The following CLEC4D variants were observed in gnomAD, a reference collection of about 807,000 sequenced individuals.
CLEC4D encodes C-type lectin domain family 4 member D, also known as C-type (calcium dependent, carbohydrate-recognition domain) lectin, superfamily member 8.
In CLEC4D, 21 loss-of-function variants were observed where a neutral mutation model predicts 21.1. The ratio of observed to expected loss-of-function variants is 1.00; its 90% CI spans 0.71 to 1.43. The LOEUF (loss-of-function observed/expected upper bound fraction) is 1.43. CLEC4D is among the 40% of genes most tolerant of loss of function. The pLI, the probability that CLEC4D is intolerant of heterozygous loss-of-function variation, is 0.00. For synonymous variants in CLEC4D, 85 were observed against 83.1 expected (o/e 1.02, Z -0.12); for missense variants, 289 against 260.7 (o/e 1.11, Z -0.75).
the CLEC4D span, among the ~76,000 whole-genome samples, chr12:8,527,472 C>T: frequency 6.6e-6 from 1 of 152,052 alleles, no homozygotes; most frequent in Non-Finnish European, 1.5e-5. Context: ...GGCACTCTGG[C>T]CGCAGACTGC....
chr12:8,523,266 G>GA (rs1482855294), downstream of CLEC4D, among the ~76,000 whole-genome samples: 2 of 152,120 alleles, frequency 1.3e-5, no homozygotes, highest in Non-Finnish European at 2.9e-5. Context: ...GAATAGCATT[G>GA]AATCTATAAA....
intron 5 of CLEC4D, among the ~76,000 whole-genome samples, chr12:8,520,904 A>G (rs767782005): frequency 3.9e-5 from 6 of 152,328 alleles, no homozygotes; most frequent in African/African-American, 1.4e-4. Context: ...TTCAAAATAC[A>G]GCACTTAAGA....
At position 8,513,716 on chromosome 12, in the gene CLEC4D, A is replaced by G. The variant is rs763052461; in HGVS notation, c.-17A>G. ...ATTCTTGCCGTCCTGACCATTGAAC[A>G]AGAGACTAATTAGACAATGGGGCTA... On this transcript the variant is annotated 5_prime_UTR_variant, in exon 1 of 6. Transcript: ENST00000299665. 1.7e-4 allele frequency: 178 copies of G among 1,069,650 alleles called. 3 individuals are homozygous for G. In the South Asian group the frequency reaches 2.1e-3, roughly 13 times the overall value. 66.3% of individuals were successfully genotyped at this position (1,069,650 alleles called of 1,614,324 possible). A position where few individuals can be genotyped will look rare whatever the true frequency, so the allele number is the denominator to read the frequency against.
At position 8,518,233 on chromosome 12, in the gene CLEC4D, T is replaced by C; in HGVS notation, c.191T>C (p.Leu64Pro). The C allele has an allele frequency of 7.2e-7, 1 of 1,386,768 alleles. No homozygotes were observed. Among genetic ancestry groups the C allele is most frequent in the Non-Finnish European group, 1.0e-6 (1 of 973,302 alleles). 85.9% of individuals were successfully genotyped at this position (1,386,768 alleles called of 1,614,324 possible). A position where few individuals can be genotyped will look rare whatever the true frequency, so the allele number is the denominator to read the frequency against. The change falls in exon 3 of 6, where the codon CTC becomes CCC. Residue 64 changes from leucine (L) to proline (P), a missense_variant. Transcript: ENST00000299665. ...CACAAGTTAGAGCACCATGCAAAGC[T>C]CAAATGCATCAAAGAGAAATCAGAA... The part of the protein sequence containing the change: ...GVHKLEHHAK[L>P]KCIKEKSELK...
intron 4 of CLEC4D, among the ~76,000 whole-genome samples, 163 bp from the exon 5 acceptor site, chr12:8,520,063 T>G (rs1341453772): frequency 6.6e-6 from 1 of 152,218 alleles, no homozygotes; most frequent in African/African-American, 2.4e-5. Flanking sequence ...TTGGTAAGAT[T>G]GAAGCACTTA....
At chr12:8,516,285 A>G (rs1565491469) in intron 2 of CLEC4D, among the ~76,000 whole-genome samples, 2 of 152,232 alleles carry the variant, frequency 1.3e-5, no homozygotes, top group South Asian at 4.1e-4. Context: ...AAAATGAGTT[A>G]CTGTACAACA....
At chr12:8,531,405 A>C in the CLEC4D span, among the ~76,000 whole-genome samples, 1 of 152,154 alleles carries the variant, frequency 6.6e-6, no homozygotes, top group African/African-American at 2.4e-5. Context: ...ATTTGACTTA[A>C]TTGTTGATTG....
intron 2 of CLEC4D, among the ~76,000 whole-genome samples, 176 bp downstream of exon 2, chr12:8,515,504 GTGGTACCT>G (rs1383830605): frequency 6.6e-6 from 1 of 152,002 alleles, no homozygotes; most frequent in Non-Finnish European, 1.5e-5. Flanking sequence ...TCTTTCAATG[GTGGTACCT>G]TGTGATAGAG....
downstream of CLEC4D, among the ~76,000 whole-genome samples, chr12:8,526,979 G>A (rs1223841677): frequency 1.3e-5 from 2 of 152,028 alleles, no homozygotes; most frequent in African/African-American, 4.8e-5. Flanking sequence ...TTTGCTGGGG[G>A]TTCACTTCAG....
the CLEC4D span, among the ~76,000 whole-genome samples, chr12:8,529,234 G>A: frequency 3.3e-5 from 5 of 152,252 alleles, no homozygotes; most frequent in African/African-American, 1.2e-4. Context: ...TGGGATAGAT[G>A]GAATGCATTT....
downstream of CLEC4D, among the ~76,000 whole-genome samples, chr12:8,525,332 C>A (rs767512312): frequency 1.1e-4 from 17 of 152,154 alleles, no homozygotes; most frequent in Non-Finnish European, 2.1e-4. Context: ...ATGTGGGAGT[C>A]TAAGTCTCTT....
Position 8,517,198 on chromosome 12 carries a change from T to C in CLEC4D, c.122-966T>C, listed in dbSNP as rs73250526. 8.8e-3 allele frequency among the ~76,000 whole-genome samples: 1,339 copies of C among 152,334 alleles called. 29 individuals carry two copies. The highest frequency in any genetic ancestry group is 0.03 in the African/African-American group (1,248 of 41,570). ...GCTATCTGGGGTTTTGGCAATATTCTGTTTCTTGAGCTGAGTAGTTGTTAC... is the reference window on the plus strand; with the variant it reads ...GCTATCTGGGGTTTTGGCAATATTCCGTTTCTTGAGCTGAGTAGTTGTTAC... On this transcript the variant is annotated intron_variant, in intron 2 of 5. Transcript: ENST00000299665.
chr12:8,516,258 A>G (rs934031654), intron 2 of CLEC4D, among the ~76,000 whole-genome samples: 3 of 152,218 alleles, frequency 2.0e-5, no homozygotes, highest in Non-Finnish European at 2.9e-5. Flanking sequence ...ATAAACATTG[A>G]CAAATTATAC....
intron 5 of CLEC4D, 34 bp from the exon 6 acceptor site, chr12:8,521,090 C>T (rs78269423): frequency 6.2e-7 from 1 of 1,603,524 alleles, no homozygotes; most frequent in Non-Finnish European, 8.5e-7. Context: ...CTATATATAC[C>T]TATAAATCTC....
At chr12:8,529,526 G>T in the CLEC4D span, among the ~76,000 whole-genome samples, 1 of 152,104 alleles carries the variant, frequency 6.6e-6, no homozygotes, top group Non-Finnish European at 1.5e-5. Context: ...GATATGGGAG[G>T]ATTGCTTGAG....
At chr12:8,515,367 T>C (rs1326170607) in intron 2 of CLEC4D, 39 bp downstream of exon 2, 1 of 959,006 alleles carries the variant, frequency 1.0e-6, no homozygotes, top group South Asian at 1.3e-5. Context: ...CTTGAATTAT[T>C]ATTTCCAAAC....
chr12:8,531,552 C>T, the CLEC4D span, among the ~76,000 whole-genome samples: 15 of 152,096 alleles, frequency 9.9e-5, no homozygotes, highest in South Asian at 2.3e-3. Context: ...ATTTTTTAAA[C>T]GTTTGAGGTA....
At position 8,514,044 on chromosome 12, in the gene CLEC4D, A is replaced by T. The variant is rs751837336; in HGVS notation, c.28+284A>T. ...TAATATGAGAAGATTCTTTTAAAGA[A>T]AAAAGAGAAAAGGAAGATGTAGAAA... On this transcript the variant is annotated intron_variant, in intron 1 of 5. Transcript: ENST00000299665. Among the ~76,000 whole-genome samples, 3 of 152,266 alleles carry T rather than the reference A, an allele frequency of 2.0e-5. No individual in the cohort carries two copies. In the South Asian group the frequency reaches 6.2e-4, roughly 32 times the overall value.
chr12:8,519,873 A>C (rs1940435601), intron 4 of CLEC4D, among the ~76,000 whole-genome samples: 1 of 152,248 alleles, frequency 6.6e-6, no homozygotes, highest in Non-Finnish European at 1.5e-5. Flanking sequence ...ATTCTGAATA[A>C]AATGGAATTT....
Sources: gnomAD v4.1 joint callset for allele counts (sites outside exome capture counted in the v4.1 genomes callset) on GRCh38, gnomAD v4.1.1 for gene constraint, MANE v1.5 for transcripts, NCBI Gene and HGNC (gene_info 2026-07-23, HGNC 2026-07-21) for gene names.